Variants in HCRTR2 observed in about 807,000 individuals in gnomAD.
HCRTR2 encodes the protein hypocretin receptor 2.
A neutral mutation model predicts 49.0 loss-of-function variants in HCRTR2; 22 were observed. That is an observed-to-expected ratio of 0.45 (90% confidence interval 0.32 to 0.64). The LOEUF is 0.64. Among genes scored for constraint, HCRTR2 ranks in the 30% least tolerant of loss-of-function variants. HCRTR2 has a pLI of 0.04. For missense variants in HCRTR2, 491 were observed against 559.4 expected (o/e 0.88, Z 1.23); for synonymous variants, 236 against 205.3 (o/e 1.15, Z -1.28).
In HCRTR2 at chr6:55,263,761, C is replaced by T. The variant is rs1172972712; in HGVS notation, c.701C>T (p.Ala234Val). The T allele has an allele frequency of 1.2e-6, 2 of 1,612,806 alleles. No individual in the cohort carries two copies. The highest frequency in any genetic ancestry group is 2.2e-5 in the South Asian group (2 of 91,024). ...HICFFLVTYM[A>V]PLCLMVLAYL... ...TGTTTCTTTCTGGTGACATACATGG[C>T]ACCACTGTGTCTCATGGTGTTGGCT... The change falls in exon 4 of 7, where the codon GCA becomes GTA. Residue 234 changes from alanine to valine, a missense_variant. Ala to Val is a moderately conservative substitution (Grantham distance 64). Transcript: ENST00000370862.
intron 1 of HCRTR2, among the ~76,000 whole-genome samples, chr6:55,210,211 G>A (rs530682533): frequency 6.6e-6 from 1 of 151,964 alleles, no homozygotes; most frequent in South Asian, 2.1e-4. Flanking sequence ...CTTATTTAAA[G>A]TATGTATGCA....
chr6:55,220,629 T>TTCC (rs1765872408), intron 1 of HCRTR2, among the ~76,000 whole-genome samples: 1 of 152,178 alleles, frequency 6.6e-6, no homozygotes, highest in Admixed American at 6.5e-5. Context: ...CTGAAAGCTT[T>TTCC]TCCTCCAAGA....
chr6:55,206,403 A>C (rs886163172), intron 1 of HCRTR2, among the ~76,000 whole-genome samples: 1 of 152,066 alleles, frequency 6.6e-6, no homozygotes, highest in Non-Finnish European at 1.5e-5. Flanking sequence ...TCTCCTTAGT[A>C]AGAGAAGTAT....
At chr6:55,189,336 C>T (rs1292054210) in intron 1 of HCRTR2, among the ~76,000 whole-genome samples, 1 of 152,056 alleles carries the variant, frequency 6.6e-6, no homozygotes, top group African/African-American at 2.4e-5. Flanking sequence ...TGAGACTCTT[C>T]AGGGCAGTTG....
intron 1 of HCRTR2, among the ~76,000 whole-genome samples, chr6:55,120,791 T>G (rs1440910272): frequency 6.6e-6 from 1 of 151,958 alleles, no homozygotes; most frequent in African/African-American, 2.4e-5. Context: ...AATACTATGT[T>G]GAATAGGAGT....
chr6:55,284,175 T>A (rs1040043008), downstream of HCRTR2, among the ~76,000 whole-genome samples: 1 of 152,030 alleles, frequency 6.6e-6, no homozygotes, highest in African/African-American at 2.4e-5. Flanking sequence ...AGTAAATTCC[T>A]TAGACCCAAA....
At chr6:55,200,275 G>C (rs918712027) in intron 1 of HCRTR2, among the ~76,000 whole-genome samples, 2 of 135,676 alleles carry the variant, frequency 1.5e-5, no homozygotes, top group Non-Finnish European at 1.6e-5. Flanking sequence ...GTGTGTGTGT[G>C]TGTTTTTGAA....
intron 1 of HCRTR2, among the ~76,000 whole-genome samples, chr6:55,184,871 G>T (rs1765191836): frequency 6.6e-6 from 1 of 152,148 alleles, no homozygotes; most frequent in African/African-American, 2.4e-5. Flanking sequence ...TCACTACATT[G>T]CTAGAAATGG....
intron 1 of HCRTR2, among the ~76,000 whole-genome samples, chr6:55,155,278 G>A (rs1330221081): frequency 6.6e-6 from 1 of 151,712 alleles, no homozygotes; most frequent in East Asian, 1.9e-4. Flanking sequence ...TTGGTCAAAT[G>A]TGTTAGAATG....
At chr6:55,124,751 C>T (rs1414033292) in intron 1 of HCRTR2, among the ~76,000 whole-genome samples, 1 of 152,064 alleles carries the variant, frequency 6.6e-6, no homozygotes, top group Non-Finnish European at 1.5e-5. Context: ...GTCTAAGTTT[C>T]TTGTAGGTCT....
chr6:55,257,550 G>A (rs1236547471), intron 3 of HCRTR2, among the ~76,000 whole-genome samples: 2 of 151,478 alleles, frequency 1.3e-5, no homozygotes, highest in African/African-American at 4.8e-5. Context: ...GAATAATCAA[G>A]TAACAGTAAC....
chr6:55,283,297 C>A (rs545977536), downstream of HCRTR2, among the ~76,000 whole-genome samples: 1 of 152,264 alleles, frequency 6.6e-6, no homozygotes, highest in East Asian at 1.9e-4. Context: ...GAGCTTCAGT[C>A]TAGTGAGGGA....
intron 1 of HCRTR2, among the ~76,000 whole-genome samples, chr6:55,169,479 C>A (rs1438662345): frequency 2.6e-5 from 4 of 151,744 alleles, no homozygotes; most frequent in Non-Finnish European, 5.9e-5. Context: ...TGTAGCCCAC[C>A]GAGAGTGCGT....
chr6:55,134,942 T>G (rs1764412997), intron 1 of HCRTR2, among the ~76,000 whole-genome samples: 1 of 152,114 alleles, frequency 6.6e-6, no homozygotes, highest in Non-Finnish European at 1.5e-5. Context: ...AATAATACTG[T>G]GATGAACATG....
chr6:55,250,493 A>T lies in HCRTR2; in HGVS notation c.402+1676A>T, dbSNP rs1305996684. Among the ~76,000 whole-genome samples the T allele has an allele frequency of 2.0e-5, 3 of 152,178 alleles. No homozygotes were observed. In the East Asian group the frequency reaches 5.8e-4, roughly 29 times the overall value. On this transcript the variant is annotated intron_variant, in intron 2 of 6. Coordinates refer to ENST00000370862, the MANE Select transcript of HCRTR2 (RefSeq NM_001384272.1). The stretch of plus-strand genomic sequence containing the variant: ...TTTTGGGATGGCTGCAGTTGCCCAG[A>T]ATCTTCAACTGACTGGTAACATTTC...
intron 1 of HCRTR2, among the ~76,000 whole-genome samples, chr6:55,121,190 A>G (rs936082987): frequency 1.3e-5 from 2 of 152,000 alleles, no homozygotes; most frequent in African/African-American, 4.8e-5. Flanking sequence ...GGTCCTTCAC[A>G]TCCCTTGTAA....
At chr6:55,240,402 A>G (rs1766304963) in intron 1 of HCRTR2, among the ~76,000 whole-genome samples, 1 of 149,596 alleles carries the variant, frequency 6.7e-6, no homozygotes, top group Non-Finnish European at 1.5e-5. Context: ...ATTCATATTC[A>G]TATTAGATAA....
intron 1 of HCRTR2, among the ~76,000 whole-genome samples, chr6:55,182,210 T>C (rs1006345947): frequency 1.9e-4 from 29 of 152,214 alleles, no homozygotes; most frequent in African/African-American, 7.0e-4. Context: ...CAGTTTCCAA[T>C]ATGGCTTCCA....
chr6:55,266,354 C>T (rs1452061127), intron 4 of HCRTR2, among the ~76,000 whole-genome samples: 1 of 152,134 alleles, frequency 6.6e-6, no homozygotes, highest in Non-Finnish European at 1.5e-5. Context: ...CAGCACACAT[C>T]AGTTGCTTTT....
Sources: gnomAD v4.1 joint callset for allele counts (sites outside exome capture counted in the v4.1 genomes callset) on GRCh38, gnomAD v4.1.1 for gene constraint, MANE v1.5 for transcripts, NCBI Gene and HGNC (gene_info 2026-07-23, HGNC 2026-07-21) for gene names.